ZNF254: variants seen among roughly 807,000 people sequenced by gnomAD.
The protein encoded by ZNF254 is zinc finger protein 254.
In ZNF254, 10 loss-of-function variants were observed where a neutral mutation model predicts 12.4. That is an observed-to-expected ratio of 0.80 (90% CI 0.50 to 1.36). ZNF254 has a LOEUF of 1.36. ZNF254 is among the 40% of genes most tolerant of loss of function. The pLI is 0.00. For synonymous variants in ZNF254, 305 were observed against 253.4 expected (o/e 1.20, Z -1.93); for missense variants, 996 against 763.9 (o/e 1.30, Z -3.58).
At chr19:24,113,265 C>G (rs368542243) in intron 3 of ZNF254, among the ~76,000 whole-genome samples, 1 of 152,044 alleles carries the variant, frequency 6.6e-6, no homozygotes. Context: ...TGATGAACAT[C>G]GATGCAAAAA....
At chr19:24,124,125 T>C (rs572737227) in intron 3 of ZNF254, among the ~76,000 whole-genome samples, 1 of 152,076 alleles carries the variant, frequency 6.6e-6, no homozygotes, top group South Asian at 2.1e-4. Context: ...TTATTTTGTT[T>C]TGTGTATTTA....
intron 2 of ZNF254, chr19:24,066,065 C>T (rs565451276): frequency 6.6e-5 from 10 of 151,898 alleles, no homozygotes; most frequent in Non-Finnish European, 1.5e-4. Context: ...TTGCTGAACT[C>T]AACACCTAAG....
In ZNF254 at chr19:24,127,548, A is replaced by G. The variant is rs1476543156; in HGVS notation, c.1548A>G (p.Lys516=). Residue 516 remains lysine (K), a synonymous_variant, in exon 4 of 4, where the codon AAA becomes AAG. Transcript: ENST00000357002. ...ATAAGATAATTCATACTGGAGAGAA[A>G]CCCTACAAATGTGAAGAATGTGGCA... ...TTHKIIHTGE[K]PYKCEECGKA... is the part of the protein sequence containing the mutation. 6.2e-7 allele frequency: 1 copy of G among 1,613,632 alleles called. No individual in the cohort carries two copies. Among genetic ancestry groups the G allele is most frequent in the African/African-American group, 1.3e-5 (1 of 75,040 alleles).
intron 2 of ZNF254, among the ~76,000 whole-genome samples, chr19:24,056,579 G>C (rs1280167702): frequency 2.0e-5 from 3 of 152,174 alleles, no homozygotes; most frequent in African/African-American, 7.2e-5. Flanking sequence ...TGAGTCTCCT[G>C]TATGGACCAT....
At chr19:24,105,054 G>A (rs1973252530) in intron 1 of ZNF254, 1 of 152,150 alleles carries the variant, frequency 6.6e-6, no homozygotes, top group African/African-American at 2.4e-5. Flanking sequence ...GTAATTTAGT[G>A]GGTACAATAT....
chr19:24,061,253 C>T (rs1326453054), intron 2 of ZNF254, among the ~76,000 whole-genome samples: 1 of 151,666 alleles, frequency 6.6e-6, no homozygotes, highest in East Asian at 1.9e-4. Flanking sequence ...TGTGACTCCT[C>T]TCTGATCCCT....
At chr19:24,105,703 G>T in intron 1 of ZNF254, 1 of 442,892 alleles carries the variant, frequency 2.3e-6, no homozygotes, top group Admixed American at 4.7e-5. Flanking sequence ...AATTTTACAT[G>T]TTATCTTCCA....
chr19:24,090,660 C>A (rs1459731115), intron 1 of ZNF254, among the ~76,000 whole-genome samples: 1 of 152,106 alleles, frequency 6.6e-6, no homozygotes, highest in Non-Finnish European at 1.5e-5. Context: ...TGTTCTCAAA[C>A]TTCTGGCCTC....
intron 2 of ZNF254, among the ~76,000 whole-genome samples, chr19:24,075,486 C>T (rs912043672): frequency 4.6e-5 from 7 of 152,120 alleles, no homozygotes; most frequent in African/African-American, 1.2e-4. Flanking sequence ...GCCCCCGAGC[C>T]GCAAAACCAG....
chr19:24,127,203 T>G lies in ZNF254; in HGVS notation c.1203T>G (p.Val401=). 6.2e-7 allele frequency: 1 copy of G among 1,613,248 alleles called. No individual in the cohort carries two copies. Among genetic ancestry groups the G allele is most frequent in the Non-Finnish European group, 8.5e-7 (1 of 1,179,560 alleles). ...TTACTACACATAAAATAATTCATGT[T>G]GGAGAGAAACTCTACAAATGTGAAG... The part of the protein sequence containing the change: ...STLTTHKIIH[V]GEKLYKCEEC... The change falls in exon 4 of 4, where the codon GTT becomes GTG. Residue 401 remains valine (V), a synonymous_variant. Coordinates refer to ENST00000357002, the MANE Select transcript of ZNF254 (RefSeq NM_203282.4).
chr19:24,047,957 G>T (rs1271578976), intron 2 of ZNF254, among the ~76,000 whole-genome samples: 3 of 146,984 alleles, frequency 2.0e-5, no homozygotes, highest in Non-Finnish European at 3.0e-5. Flanking sequence ...AAAGTGCTGG[G>T]ATTACAGGTG....
chr19:24,043,620 T>C (rs866863488), intron 1 of ZNF254, among the ~76,000 whole-genome samples: 102 of 152,330 alleles, frequency 6.7e-4, no homozygotes, highest in Middle Eastern at 6.8e-3. Context: ...ATTTAGTTTA[T>C]ATCATTAAAT....
rs1974930647 is a variant in ZNF254 at position 24,127,198 on chromosome 19, C to A, written c.1198C>A (p.His400Asn). 1 of 1,613,236 alleles carries A rather than the reference C, an allele frequency of 6.2e-7. No individual in the cohort carries two copies. The highest frequency in any genetic ancestry group is 1.3e-5 in the African/African-American group (1 of 74,952). Reference sequence around the variant, plus strand: ...AACTCTTACTACACATAAAATAATTCATGTTGGAGAGAAACTCTACAAATG... The same window carrying A: ...AACTCTTACTACACATAAAATAATTAATGTTGGAGAGAAACTCTACAAATG... Reference protein sequence around the residue: ...LSTLTTHKIIHVGEKLYKCEE... With the variant: ...LSTLTTHKIINVGEKLYKCEE... The change falls in exon 4 of 4, where the codon CAT becomes AAT. Residue 400 changes from histidine (H) to asparagine (N), a missense_variant. His to Asn is a moderately conservative substitution (Grantham distance 68). Coordinates refer to ENST00000357002, the MANE Select transcript of ZNF254 (RefSeq NM_203282.4).
At chr19:24,037,924 T>C (rs1970026894) in intron 1 of ZNF254, among the ~76,000 whole-genome samples, 1 of 152,140 alleles carries the variant, frequency 6.6e-6, no homozygotes, top group South Asian at 2.1e-4. Context: ...TTTTTGTACT[T>C]TTAGTAGAGA....
Position 24,045,945 on chromosome 19 carries a change from T to A in ZNF254, c.-189-239T>A, listed in dbSNP as rs556904196. ...AGTTTGTTGATGTAGAAAAAAATCT[T>A]CCTAGTGTTTCCAGCCCTCCCCCTT... On this transcript the variant is annotated intron_variant, in intron 1 of 4. Transcript: ENST00000613065. 2.0e-3 allele frequency among the ~76,000 whole-genome samples: 308 copies of A among 152,260 alleles called. 1 individual carries two copies. Among genetic ancestry groups the A allele is most frequent in the African/African-American group, 7.2e-3 (299 of 41,540 alleles).
chr19:24,078,676 C>T (rs1971745088), intron 2 of ZNF254: 3 of 152,114 alleles, frequency 2.0e-5, no homozygotes, highest in Admixed American at 2.0e-4. Context: ...TATAAGCTAC[C>T]TGCTCAGTAG....
intron 1 of ZNF254, among the ~76,000 whole-genome samples, chr19:24,036,822 G>C (rs1404584810): frequency 6.6e-6 from 1 of 152,134 alleles, no homozygotes; most frequent in Admixed American, 6.5e-5. Context: ...CCCTCAACCT[G>C]CTACCACCAA....
At chr19:24,116,577 T>G in intron 3 of ZNF254, among the ~76,000 whole-genome samples, 1 of 151,952 alleles carries the variant, frequency 6.6e-6, no homozygotes, top group East Asian at 1.9e-4. Flanking sequence ...CTATATTGGT[T>G]ATTCTAGGTA....
At chr19:24,064,016 A>G (rs1452630307) in intron 2 of ZNF254, 2 of 152,168 alleles carry the variant, frequency 1.3e-5, no homozygotes, top group Non-Finnish European at 2.9e-5. Flanking sequence ...AGAGTGACGT[A>G]TTGGTGGGGC....
Sources: allele counts gnomAD v4.1 joint callset (sites outside exome capture counted in the v4.1 genomes callset), GRCh38; gene constraint gnomAD v4.1.1; transcripts MANE v1.5; gene names NCBI Gene and HGNC (gene_info 2026-07-23, HGNC 2026-07-21).